Variants in SHB observed in about 807,000 individuals in gnomAD.
SHB encodes SH2 domain-containing adapter protein B.
SHB carries 20 observed loss-of-function variants against 52.3 expected under a neutral mutation model. The observed-to-expected ratio is 0.38, with a 90% CI of 0.27 to 0.56. The LOEUF is 0.56. SHB is among the 20% of genes least tolerant of loss of function. SHB has a pLI of 0.71. For missense variants in SHB, 825 were observed against 723.3 expected (o/e 1.14, Z -1.61); for synonymous variants, 397 against 316.5 (o/e 1.25, Z -2.70).
At chr9:38,004,607 G>A (rs1454439456) in intron 2 of SHB, among the ~76,000 whole-genome samples, 1 of 152,220 alleles carries the variant, frequency 6.6e-6, no homozygotes, top group African/African-American at 2.4e-5. Flanking sequence ...GGGGCAGAGG[G>A]TGGGGAAGGG....
At chr9:38,005,637 A>C (rs1290494449) in intron 2 of SHB, among the ~76,000 whole-genome samples, 5 of 152,174 alleles carry the variant, frequency 3.3e-5, no homozygotes, top group Non-Finnish European at 5.9e-5. Flanking sequence ...CCTTAGGGAG[A>C]GTCCTGGTAT....
rs575180542 is a variant in SHB at position 38,068,860 on chromosome 9, G to A, written c.-215C>T. 175 of 155,220 alleles carry A rather than the reference G, an allele frequency of 1.1e-3. No homozygotes were observed. Among genetic ancestry groups the A allele is most frequent in the African/African-American group, 3.3e-3 (138 of 41,502 alleles). 9.6% of individuals were successfully genotyped at this position (155,220 alleles called of 1,614,324 possible). On this transcript the variant is annotated 5_prime_UTR_variant, in exon 1 of 6. Transcript: ENST00000377707. ...GCTGCAACACCTCCCTCCGCCTAGC[G>A]CCGCCCAAGCTAGGAATCTCGCGCC...
intron 1 of SHB, among the ~76,000 whole-genome samples, chr9:38,056,409 G>T (rs1336941899): frequency 6.6e-6 from 1 of 152,166 alleles, no homozygotes; most frequent in Non-Finnish European, 1.5e-5. Context: ...TCAGTTCACT[G>T]CAACCTCTGT....
At chr9:38,040,993 T>G (rs941009186) in intron 1 of SHB, among the ~76,000 whole-genome samples, 2 of 151,932 alleles carry the variant, frequency 1.3e-5, no homozygotes, top group African/African-American at 2.4e-5. Context: ...TAGAGTTAAC[T>G]TCCACAGGAC....
chr9:37,960,053 T>C (rs1564088680), intron 3 of SHB, among the ~76,000 whole-genome samples: 1 of 152,240 alleles, frequency 6.6e-6, no homozygotes, highest in South Asian at 2.1e-4. Context: ...GTCAACAATG[T>C]AATTCCCCAC....
rs144376644 is a variant in SHB, at chr9:37,954,077, C to T, written c.1226+1806G>A. Among the ~76,000 whole-genome samples the T allele has an allele frequency of 1.2e-3, 187 of 152,282 alleles. 1 individual carries two copies. The highest frequency in any genetic ancestry group is 4.4e-3 in the African/African-American group (181 of 41,554). On this transcript the variant is annotated intron_variant, in intron 4 of 5. Coordinates refer to ENST00000377707, the MANE Select transcript of SHB (RefSeq NM_003028.3). ...CCTGGCCACTGCTGGTCAGGACGCACGCCGAACATCTGTGAGTCACAGTTT... is the reference window on the plus strand; with the variant it reads ...CCTGGCCACTGCTGGTCAGGACGCATGCCGAACATCTGTGAGTCACAGTTT...
chr9:38,003,565 C>T (rs762741726), intron 2 of SHB, among the ~76,000 whole-genome samples: 14 of 152,180 alleles, frequency 9.2e-5, no homozygotes, highest in Non-Finnish European at 1.8e-4. Flanking sequence ...CTCCCAGCCC[C>T]TGTGCTCGTT....
intron 2 of SHB, among the ~76,000 whole-genome samples, chr9:37,992,468 C>T (rs774517426): frequency 3.9e-5 from 6 of 152,168 alleles, no homozygotes; most frequent in East Asian, 1.9e-4. Context: ...GGCCTAAAAA[C>T]GTGGTCTTCT....
chr9:38,059,116 CTGAATGAA>C (rs530537069), intron 1 of SHB, among the ~76,000 whole-genome samples: 2 of 152,140 alleles, frequency 1.3e-5, no homozygotes, highest in South Asian at 2.1e-4. Context: ...ACAGTGTCTA[CTGAATGAA>C]TGAATGAATG....
chr9:37,944,084 G>C (rs908663692), intron 5 of SHB, among the ~76,000 whole-genome samples: 1 of 152,230 alleles, frequency 6.6e-6, no homozygotes, highest in Admixed American at 6.5e-5. Flanking sequence ...AGGTCAATGA[G>C]TTGGCGGGCA....
chr9:38,058,454 C>T (rs1253493599), intron 1 of SHB, among the ~76,000 whole-genome samples: 2 of 152,208 alleles, frequency 1.3e-5, no homozygotes, highest in Non-Finnish European at 2.9e-5. Flanking sequence ...CCAATTTCAC[C>T]ACACGCTGGA....
At chr9:37,925,675 G>C (rs1274261319) in intron 5 of SHB, among the ~76,000 whole-genome samples, 2 of 152,132 alleles carry the variant, frequency 1.3e-5, no homozygotes, top group Middle Eastern at 6.3e-3. Context: ...TTTTCTTCTT[G>C]TTGGGCTATT....
intron 1 of SHB, among the ~76,000 whole-genome samples, chr9:38,033,650 T>C (rs1300104353): frequency 6.6e-6 from 1 of 152,206 alleles, no homozygotes. Flanking sequence ...CATCCTCTGA[T>C]CAGTGGGCAA....
chr9:38,021,947 C>A (rs1046417630), intron 1 of SHB, among the ~76,000 whole-genome samples: 11 of 152,224 alleles, frequency 7.2e-5, no homozygotes, highest in Admixed American at 7.2e-4. Flanking sequence ...GTGCTGCTCT[C>A]CTCTCCCCGG....
chr9:38,065,055 C>T (rs1274423440), intron 1 of SHB, among the ~76,000 whole-genome samples: 1 of 152,172 alleles, frequency 6.6e-6, no homozygotes, highest in Non-Finnish European at 1.5e-5. Context: ...GTTGAGGCTG[C>T]AGTGAGCCAT....
intron 3 of SHB, among the ~76,000 whole-genome samples, chr9:37,956,493 C>A (rs926433388): frequency 2.0e-5 from 3 of 152,224 alleles, no homozygotes; most frequent in African/African-American, 7.2e-5. Context: ...CTGGCCACAT[C>A]TGCCCCTTTC....
In SHB at chr9:38,069,219, G is replaced by A. The variant is rs1164524060; in HGVS notation, c.-574C>T. On this transcript the variant is annotated 5_prime_UTR_variant, in exon 1 of 6. Transcript: ENST00000377707. ...CGTGCCCGTCCCGGCGGCGCCTGTC[G>A]CTGCCACTGCCGCCGCCTCCCGAGC... is the stretch of plus-strand genomic sequence containing the variant. 1 of 149,642 alleles carries A rather than the reference G, an allele frequency of 6.7e-6. No homozygotes were observed. Among genetic ancestry groups the A allele is most frequent in the Admixed American group, 6.6e-5 (1 of 15,062 alleles). 9.3% of individuals were successfully genotyped at this position (149,642 alleles called of 1,614,324 possible).
intron 1 of SHB, among the ~76,000 whole-genome samples, chr9:38,060,560 T>A (rs1237798737): frequency 6.6e-6 from 1 of 152,196 alleles, no homozygotes; most frequent in African/African-American, 2.4e-5. Context: ...GTAGCAGTAG[T>A]AGTAGCTACC....
intron 1 of SHB, among the ~76,000 whole-genome samples, chr9:38,062,731 G>A (rs1038857660): frequency 6.6e-6 from 1 of 152,220 alleles, no homozygotes; most frequent in Non-Finnish European, 1.5e-5. Context: ...ACTCAGATAT[G>A]CAGGCTCTTG....
Sources: allele counts gnomAD v4.1 joint callset (sites outside exome capture counted in the v4.1 genomes callset), GRCh38; gene constraint gnomAD v4.1.1; transcripts MANE v1.5; gene names NCBI Gene and HGNC (gene_info 2026-07-23, HGNC 2026-07-21).